RAB3C: variants seen among roughly 807,000 people sequenced by gnomAD.
RAB3C encodes RAB3C, member RAS oncogene family.
In RAB3C, 17 loss-of-function variants were observed where a neutral mutation model predicts 26.4. That is an observed-to-expected ratio of 0.64 (90% CI 0.44 to 0.97). RAB3C has a LOEUF of 0.97. Ranked by LOEUF, RAB3C falls within the 50% of genes least tolerant of loss-of-function variation. The probability of loss-of-function intolerance (pLI) is 0.00; values close to 1 mark genes in which losing one functional copy is unlikely to be tolerated. For synonymous variants in RAB3C, 91 were observed against 95.9 expected, an observed-to-expected ratio of 0.95 and a Z score of 0.30; for missense variants, 242 against 281.9, an observed-to-expected ratio of 0.86 and a Z score of 1.01.
intron 3 of RAB3C, among the ~76,000 whole-genome samples, chr5:58,750,969 C>T (rs1360367717): frequency 6.6e-6 from 1 of 151,974 alleles, no homozygotes; most frequent in Non-Finnish European, 1.5e-5. Flanking sequence ...ATTCTCATGC[C>T]GCAGCCTCCA....
At chr5:58,741,416 G>A in intron 3 of RAB3C, among the ~76,000 whole-genome samples, 1 of 152,080 alleles carries the variant, frequency 6.6e-6, no homozygotes, top group Non-Finnish European at 1.5e-5. Context: ...CATGTCTTTG[G>A]TCTTCCTAAC....
intron 3 of RAB3C, among the ~76,000 whole-genome samples, chr5:58,735,262 T>A (rs1431943253): frequency 6.6e-6 from 1 of 152,208 alleles, no homozygotes; most frequent in Non-Finnish European, 1.5e-5. Context: ...AGGGCCTTGT[T>A]CAGCCTTAGC....
intron 3 of RAB3C, among the ~76,000 whole-genome samples, chr5:58,811,623 T>C (rs1743093294): frequency 6.6e-6 from 1 of 152,132 alleles, no homozygotes; most frequent in Admixed American, 6.5e-5. Context: ...CTGCATATCA[T>C]TTTCCTTTCC....
At chr5:58,805,388 C>A (rs1022666356) in intron 3 of RAB3C, among the ~76,000 whole-genome samples, 7 of 151,806 alleles carry the variant, frequency 4.6e-5, no homozygotes, top group Non-Finnish European at 2.9e-5. Context: ...AAGAAAGAAC[C>A]AGCCTGGCCA....
At chr5:58,711,285 C>T (rs1299154201) in intron 2 of RAB3C, among the ~76,000 whole-genome samples, 1 of 152,160 alleles carries the variant, frequency 6.6e-6, no homozygotes, top group East Asian at 1.9e-4. Flanking sequence ...ACACTTTCTA[C>T]TGGGATCTGA....
intron 2 of RAB3C, among the ~76,000 whole-genome samples, chr5:58,646,441 A>C (rs1747520926): frequency 6.6e-6 from 1 of 152,256 alleles, no homozygotes; most frequent in East Asian, 1.9e-4. Flanking sequence ...TATTATACAT[A>C]AGGTTTTCTC....
At chr5:58,591,077 G>A (rs1746118270) in intron 1 of RAB3C, among the ~76,000 whole-genome samples, 1 of 152,122 alleles carries the variant, frequency 6.6e-6, no homozygotes, top group South Asian at 2.1e-4. Flanking sequence ...TATTGATACT[G>A]ATGACTAGTT....
intron 3 of RAB3C, among the ~76,000 whole-genome samples, chr5:58,734,538 T>C (rs1224226700): frequency 6.6e-6 from 1 of 152,134 alleles, no homozygotes; most frequent in East Asian, 1.9e-4. Flanking sequence ...GACCCAACCA[T>C]AGAACATTAT....
chr5:58,808,666 C>T lies in RAB3C; in HGVS notation c.372-16372C>T, dbSNP rs766100021. Among the ~76,000 whole-genome samples the T allele has an allele frequency of 4.5e-4, 68 of 152,296 alleles. 1 individual carries two copies. The highest frequency in any genetic ancestry group is 3.4e-3 in the Middle Eastern group (1 of 294). On this transcript the variant is annotated intron_variant, in intron 3 of 4. Transcript: ENST00000282878. The stretch of plus-strand genomic sequence containing the variant: ...ACTTAGAAGGGATATTATCATATCT[C>T]ATTTGTATTTGATTTAAACTGAAAC...
In RAB3C at chr5:58,858,500, C is replaced by T. The variant is rs1427611455; in HGVS notation, c.*7149C>T. The T allele has an allele frequency of 1.3e-5, 2 of 152,134 alleles. No individual in the cohort carries two copies. Among genetic ancestry groups the T allele is most frequent in the Non-Finnish European group, 2.9e-5 (2 of 68,072 alleles). 9.4% of individuals were successfully genotyped at this position (152,134 alleles called of 1,614,324 possible). A position where few individuals can be genotyped will look rare whatever the true frequency, so the allele number is the denominator to read the frequency against. ...CAAGGGGGAAAAATCCAGATATAAT[C>T]TAAATGCTAGGTTATGTCAGGGTAT... On this transcript the variant is annotated 3_prime_UTR_variant, in exon 5 of 5. Transcript: ENST00000282878.
At chr5:58,690,919 T>G (rs1748557815) in intron 2 of RAB3C, among the ~76,000 whole-genome samples, 1 of 152,170 alleles carries the variant, frequency 6.6e-6, no homozygotes, top group Admixed American at 6.6e-5. Flanking sequence ...GTTACCACAT[T>G]TAAAAAGTAT....
intron 3 of RAB3C, among the ~76,000 whole-genome samples, chr5:58,771,946 G>C (rs1032116911): frequency 2.0e-5 from 3 of 150,846 alleles, no homozygotes; most frequent in African/African-American, 7.3e-5. Context: ...AGCACCAAGA[G>C]ATAAGAGAAG....
chr5:58,686,691 CAT>C (rs111965357), intron 2 of RAB3C, among the ~76,000 whole-genome samples: 15,106 of 144,450 alleles, frequency 0.1, 913 homozygotes, highest in Middle Eastern at 0.18. Flanking sequence ...CACACACACA[CAT>C]ACACACACAC....
At chr5:58,632,519 G>A (rs1169758015) in intron 2 of RAB3C, among the ~76,000 whole-genome samples, 2 of 152,212 alleles carry the variant, frequency 1.3e-5, no homozygotes, top group Non-Finnish European at 2.9e-5. Context: ...CTGAAGGGAG[G>A]TCTACTTCAG....
In RAB3C at chr5:58,784,853, G is replaced by A. The variant is rs144677259; in HGVS notation, c.372-40185G>A. On this transcript the variant is annotated intron_variant, in intron 3 of 4. Coordinates refer to ENST00000282878, the MANE Select transcript of RAB3C (RefSeq NM_138453.4). Reference sequence around the variant, plus strand: ...GAGCAGACCTCAGATCTAAAGGAAAGCACGGCATTATCTATCTCACCCACA... The same window carrying A: ...GAGCAGACCTCAGATCTAAAGGAAAACACGGCATTATCTATCTCACCCACA... The A allele has an allele frequency of 6.6e-5, 10 of 152,344 alleles. No homozygotes were observed. In the East Asian group the frequency reaches 1.9e-3, roughly 29 times the overall value. The allele number at this position is 152,344 out of a possible 1,614,324, so 9.4% of individuals were successfully genotyped here.
intron 3 of RAB3C, among the ~76,000 whole-genome samples, chr5:58,815,535 G>A (rs1482053654): frequency 6.6e-6 from 1 of 152,170 alleles, no homozygotes; most frequent in Non-Finnish European, 1.5e-5. Context: ...TTCCCTTACT[G>A]CAGACAGTGT....
intron 2 of RAB3C, among the ~76,000 whole-genome samples, chr5:58,675,624 T>TTTTTTTTTTTTTTTTTTGGC (rs1347740171): frequency 2.0e-5 from 3 of 150,624 alleles, no homozygotes; most frequent in African/African-American, 7.4e-5. Context: ...TCTTTTTTTT[T>TTTTTTTTTTTTTTTTTTGGC]TTTTTTTTTT....
At chr5:58,733,178 T>C (rs1406617756) in intron 3 of RAB3C, among the ~76,000 whole-genome samples, 2 of 152,216 alleles carry the variant, frequency 1.3e-5, no homozygotes. Flanking sequence ...TCCCAGTGCC[T>C]ACTGTAGTGC....
At position 58,857,669 on chromosome 5, in the gene RAB3C, A is replaced by G. The variant is rs1377924118; in HGVS notation, c.*6318A>G. On this transcript the variant is annotated 3_prime_UTR_variant, in exon 5 of 5. Transcript: ENST00000282878. Reference sequence around the variant, plus strand: ...CCTGGGAATTCTAAAATACCAATGTATTTTTAGGTTGTAGCTAATGTTGTA... The same window carrying G: ...CCTGGGAATTCTAAAATACCAATGTGTTTTTAGGTTGTAGCTAATGTTGTA... 2 of 152,170 alleles carry G rather than the reference A, an allele frequency of 1.3e-5. No individual in the cohort carries two copies. Among genetic ancestry groups the G allele is most frequent in the African/African-American group, 4.8e-5 (2 of 41,446 alleles). 9.4% of individuals were successfully genotyped at this position (152,170 alleles called of 1,614,324 possible).
Sources: gnomAD v4.1 joint callset for allele counts (sites outside exome capture counted in the v4.1 genomes callset) on GRCh38, gnomAD v4.1.1 for gene constraint, MANE v1.5 for transcripts, NCBI Gene and HGNC (gene_info 2026-07-23, HGNC 2026-07-21) for gene names.